The following DIAPH2 variants were observed in gnomAD, a reference collection of about 807,000 sequenced individuals.
DIAPH2 encodes diaphanous related formin 2.
A neutral mutation model predicts 92.7 loss-of-function variants in DIAPH2; 35 were observed. The observed-to-expected ratio is 0.38, with a 90% CI of 0.29 to 0.50. The LOEUF (loss-of-function observed/expected upper bound fraction) is 0.50, where lower values mean the gene tolerates loss of function less well. DIAPH2 is among the 20% of genes least tolerant of loss of function. The pLI is 0.94. For synonymous variants in DIAPH2, 301 were observed against 280.4 expected (o/e 1.07, Z -0.73); for missense variants, 701 against 819.5 (o/e 0.86, Z 1.77).
chrX:97,537,970 C>T (rs1175909681), intron 26 of DIAPH2, among the ~76,000 whole-genome samples: 3 of 106,922 alleles, frequency 2.8e-5, no homozygotes, highest in South Asian at 8.8e-4. Context: ...CTGCAAGCTC[C>T]GCCTCCCGGG....
intron 26 of DIAPH2, among the ~76,000 whole-genome samples, chrX:97,592,804 T>C (rs1332870240): frequency 8.9e-6 from 1 of 112,133 alleles, no homozygotes; most frequent in African/African-American, 3.2e-5. Flanking sequence ...ATAGTCACAG[T>C]AGCCTCTGAA....
At chrX:97,555,930 A>G (rs1157558447) in intron 26 of DIAPH2, among the ~76,000 whole-genome samples, 1 of 112,125 alleles carries the variant, frequency 8.9e-6, no homozygotes, top group African/African-American at 3.2e-5. Context: ...TTACTCTACC[A>G]TTCTACCACA....
chrX:97,510,291 G>T (rs1281145654), intron 26 of DIAPH2, among the ~76,000 whole-genome samples: 2 of 111,480 alleles, frequency 1.8e-5, no homozygotes, highest in African/African-American at 6.6e-5. Context: ...GTGTCTTTTG[G>T]CTGCATAAAT....
intron 2 of DIAPH2, among the ~76,000 whole-genome samples, chrX:96,736,440 G>A (rs771700079): frequency 9.0e-6 from 1 of 111,161 alleles, no homozygotes; most frequent in South Asian, 3.9e-4. Flanking sequence ...ACCCAGGCTG[G>A]AGTGCAGTGG....
rs1216734038 is a variant in DIAPH2, at chrX:96,996,213, AT to A, written c.2050+31007del. On this transcript the variant is annotated intron_variant, in intron 17 of 26. Transcript: ENST00000324765. ...ATAATGGTTGGTTGGAAATGTGGAAATGACCATTTTTGATTTAAATTACTTT... is the reference window on the plus strand; with the variant it reads ...ATAATGGTTGGTTGGAAATGTGGAAAGACCATTTTTGATTTAAATTACTTT... 5.4e-5 allele frequency among the ~76,000 whole-genome samples: 6 copies of A among 112,096 alleles called. No homozygotes were observed. In the East Asian group the frequency reaches 1.7e-3, roughly 31 times the overall value.
intron 21 of DIAPH2, among the ~76,000 whole-genome samples, chrX:97,124,062 G>C (rs935466564): frequency 2.3e-4 from 26 of 112,324 alleles, no homozygotes; most frequent in African/African-American, 7.7e-4. Context: ...ATGTGGAGAT[G>C]CATGATATCT....
intron 26 of DIAPH2, among the ~76,000 whole-genome samples, chrX:97,499,689 A>G (rs2070782155): frequency 8.9e-6 from 1 of 112,450 alleles, no homozygotes; most frequent in Admixed American, 9.4e-5. Context: ...AAAGTCATGG[A>G]ATCAACCTAA....
At chrX:97,274,631 TTG>T (rs1450686188) in intron 23 of DIAPH2, among the ~76,000 whole-genome samples, 1 of 110,397 alleles carries the variant, frequency 9.1e-6, no homozygotes, top group African/African-American at 3.3e-5. Context: ...AGTTTTTTTT[TTG>T]TTTTTTTTTT....
chrX:97,165,930 CT>C (rs2067409443), intron 22 of DIAPH2, among the ~76,000 whole-genome samples: 1 of 111,117 alleles, frequency 9.0e-6, no homozygotes, highest in African/African-American at 3.3e-5. Context: ...TCCTCCTCCT[CT>C]TTTTTTCTTT....
intron 8 of DIAPH2, 112 bp from the exon 9 acceptor site, chrX:96,918,397 A>G (rs2065519059): frequency 4.4e-6 from 2 of 457,956 alleles, no homozygotes; most frequent in East Asian, 4.1e-5. Context: ...TTCTAATGGT[A>G]TATATAAACA....
At chrX:97,297,237 T>A (rs2147621319) in intron 23 of DIAPH2, among the ~76,000 whole-genome samples, 1 of 108,908 alleles carries the variant, frequency 9.2e-6, no homozygotes, top group South Asian at 4.0e-4. Flanking sequence ...ACCAGAACTG[T>A]AAGATGGCCT....
intron 23 of DIAPH2, among the ~76,000 whole-genome samples, chrX:97,288,439 G>C (rs1569352110): frequency 9.0e-6 from 1 of 111,016 alleles, no homozygotes; most frequent in Non-Finnish European, 1.9e-5. Context: ...CTAATAGATG[G>C]CTTAAATGAA....
chrX:96,897,292 T>C (rs753015554), intron 5 of DIAPH2, among the ~76,000 whole-genome samples: 1 of 111,513 alleles, frequency 9.0e-6, no homozygotes, highest in South Asian at 3.8e-4. Flanking sequence ...TGTACATTCA[T>C]TGTACCCAAT....
At chrX:97,527,461 A>G (rs934149233) in intron 26 of DIAPH2, among the ~76,000 whole-genome samples, 5 of 111,941 alleles carry the variant, frequency 4.5e-5, no homozygotes, top group African/African-American at 1.3e-4. Flanking sequence ...ATGGCTGTAG[A>G]CAGATGTAGG....
At chrX:96,981,420 C>T (rs1266461231) in intron 17 of DIAPH2, among the ~76,000 whole-genome samples, 6 of 110,945 alleles carry the variant, frequency 5.4e-5, no homozygotes, top group Non-Finnish European at 1.1e-4. Flanking sequence ...AACTGAAATA[C>T]AATAATAATC....
chrX:97,142,723 C>A (rs1053182007), intron 22 of DIAPH2, among the ~76,000 whole-genome samples: 1 of 111,642 alleles, frequency 9.0e-6, no homozygotes, highest in Non-Finnish European at 1.9e-5. Flanking sequence ...AGATTATGTG[C>A]GAGAAGAAGT....
intron 26 of DIAPH2, among the ~76,000 whole-genome samples, chrX:97,545,138 C>T (rs1404658007): frequency 9.0e-6 from 1 of 111,123 alleles, no homozygotes; most frequent in Non-Finnish European, 1.9e-5. Flanking sequence ...CCTTTCCTAC[C>T]TCTATGTCTT....
At chrX:97,306,718 A>G (rs2068750529) in intron 23 of DIAPH2, among the ~76,000 whole-genome samples, 1 of 111,781 alleles carries the variant, frequency 8.9e-6, no homozygotes, top group Non-Finnish European at 1.9e-5. Context: ...GGAGGGCCAC[A>G]GTAACAAATT....
At chrX:96,959,594 C>T (rs2172662) in intron 16 of DIAPH2, among the ~76,000 whole-genome samples, 3,581 of 111,497 alleles carry the variant, frequency 0.032, 161 homozygotes, top group African/African-American at 0.11. Context: ...TAATTGTTCC[C>T]TTTTCTATGC....
Sources: gnomAD v4.1 joint callset for allele counts (sites outside exome capture counted in the v4.1 genomes callset) on GRCh38, gnomAD v4.1.1 for gene constraint, MANE v1.5 for transcripts, NCBI Gene and HGNC (gene_info 2026-07-23, HGNC 2026-07-21) for gene names.